The following GLRX3 variants were observed in gnomAD, a reference collection of about 807,000 sequenced individuals.
GLRX3 encodes glutaredoxin 3, also known as glutaredoxin-3.
GLRX3 carries 22 observed loss-of-function variants against 49.5 expected under a neutral mutation model. The observed-to-expected ratio is 0.44, with a 90% CI of 0.32 to 0.63. The LOEUF (loss-of-function observed/expected upper bound fraction) is 0.63, where lower values mean the gene tolerates loss of function less well. Among genes scored for constraint, GLRX3 ranks in the 30% least tolerant of loss-of-function variants. The probability of loss-of-function intolerance (pLI) is 0.05; values close to 1 mark genes in which losing one functional copy is unlikely to be tolerated. For missense variants in GLRX3, 385 were observed against 396.3 expected (o/e 0.97, Z 0.24); for synonymous variants, 133 against 140.0 (o/e 0.95, Z 0.35).
intron 4 of GLRX3, among the ~76,000 whole-genome samples, chr10:130,161,843 C>T (rs1406693935): frequency 6.6e-6 from 1 of 152,194 alleles, no homozygotes; most frequent in East Asian, 1.9e-4. Context: ...GATATGATTA[C>T]AGCATGTCCA....
chr10:130,143,235 T>G (rs1862207621), intron 1 of GLRX3, among the ~76,000 whole-genome samples: 1 of 152,190 alleles, frequency 6.6e-6, no homozygotes, highest in Non-Finnish European at 1.5e-5. Flanking sequence ...GACACTTTAT[T>G]GTAGGCTTAT....
rs549534723 is a variant in GLRX3 at position 130,136,459 on chromosome 10, G to A, written c.39G>A (p.Val13=). The A allele has an allele frequency of 3.2e-6, 4 of 1,264,604 alleles. No individual in the cohort carries two copies. The highest frequency in any genetic ancestry group is 4.0e-6 in the Non-Finnish European group (4 of 999,210). The allele number at this position is 1,264,604 out of a possible 1,614,324, so 78.3% of individuals were successfully genotyped here. ...AGAAEAAVAA[V]EEVGSAGQFE... ...CGGCTGAGGCAGCTGTAGCGGCCGT[G>A]GAGGAGGTCGGCTCAGCCGGGCAGT... Residue 13 remains valine (V), a synonymous_variant, in exon 1 of 11, where the codon GTG becomes GTA. Coordinates refer to ENST00000331244, the MANE Select transcript of GLRX3 (RefSeq NM_006541.5).
chr10:130,174,729 A>G (rs1264085782), intron 8 of GLRX3, 138 bp from the exon 9 acceptor site: 2 of 653,308 alleles, frequency 3.1e-6, no homozygotes, highest in Admixed American at 2.7e-5. Flanking sequence ...AAGAAGTAAA[A>G]TCATTTCCAT....
intron 1 of GLRX3, among the ~76,000 whole-genome samples, chr10:130,138,845 G>GTTT (rs1433839730): frequency 7.9e-5 from 9 of 114,572 alleles, no homozygotes; most frequent in African/African-American, 2.8e-4. Flanking sequence ...ATGAATAAAA[G>GTTT]TGTTTTTTTT....
chr10:130,140,395 A>G (rs533546337), intron 1 of GLRX3, among the ~76,000 whole-genome samples: 1 of 152,334 alleles, frequency 6.6e-6, no homozygotes, highest in South Asian at 2.1e-4. Flanking sequence ...GATAACGTTT[A>G]TATTTGTTTC....
At chr10:130,144,272 G>C (rs935663172) in intron 1 of GLRX3, among the ~76,000 whole-genome samples, 2 of 145,498 alleles carry the variant, frequency 1.4e-5, no homozygotes, top group African/African-American at 2.6e-5. Context: ...TGAAAATATG[G>C]TTGATTTGCC....
intron 7 of GLRX3, among the ~76,000 whole-genome samples, chr10:130,169,949 G>A (rs73391530): frequency 0.087 from 13,185 of 152,248 alleles, 924 homozygotes; most frequent in African/African-American, 0.19. Context: ...TGATGAATGA[G>A]TGAAATGGTC....
At chr10:130,169,149 A>C (rs1862753414) in intron 6 of GLRX3, among the ~76,000 whole-genome samples, 1 of 152,124 alleles carries the variant, frequency 6.6e-6, no homozygotes, top group Non-Finnish European at 1.5e-5. Flanking sequence ...ACAATTCCTT[A>C]CTGAATTGGT....
chr10:130,161,022 A>G, intron 4 of GLRX3, 25 bp downstream of exon 4: 1 of 1,531,516 alleles, frequency 6.5e-7, no homozygotes, highest in Non-Finnish European at 9.0e-7. Flanking sequence ...TTAACATAAT[A>G]TAAACAAAAT....
At chr10:130,162,605 G>A (rs1418845558) in intron 4 of GLRX3, among the ~76,000 whole-genome samples, 1 of 152,202 alleles carries the variant, frequency 6.6e-6, no homozygotes, top group East Asian at 1.9e-4. Flanking sequence ...GCTGTGAAAT[G>A]TGGGTGAAGC....
intron 4 of GLRX3, among the ~76,000 whole-genome samples, chr10:130,165,603 A>G (rs1430983810): frequency 6.6e-6 from 1 of 152,200 alleles, no homozygotes; most frequent in African/African-American, 2.4e-5. Context: ...ATATATAACA[A>G]CAGAGAAGAT....
downstream of GLRX3, chr10:130,180,372 C>T (rs975473485): frequency 3.3e-5 from 5 of 152,114 alleles, no homozygotes; most frequent in Admixed American, 1.3e-4. Context: ...TTGATTTGGT[C>T]GTTCAGGTTC....
At chr10:130,137,173 C>G (rs1231073330) in intron 1 of GLRX3, among the ~76,000 whole-genome samples, 1 of 152,184 alleles carries the variant, frequency 6.6e-6, no homozygotes, top group African/African-American at 2.4e-5. Flanking sequence ...ATTTCCTGTT[C>G]CATGAACTGG....
intron 2 of GLRX3, among the ~76,000 whole-genome samples, chr10:130,157,493 G>GCCCCCCCCCCCCCCCCCCCCC (rs1161867057): frequency 1.7e-4 from 1 of 5,974 alleles, no homozygotes; most frequent in African/African-American, 3.1e-4. Flanking sequence ...GGTGGCCGCC[G>GCCCCCCCCCCCCCCCCCCCCC]CCCCCCCCCC....
chr10:130,164,451 T>G (rs1306409712), intron 4 of GLRX3, among the ~76,000 whole-genome samples: 1 of 152,220 alleles, frequency 6.6e-6, no homozygotes, highest in Non-Finnish European at 1.5e-5. Context: ...GCTCTTACTT[T>G]TGAATCAGCC....
chr10:130,167,870 C>T (rs916089506), intron 6 of GLRX3, among the ~76,000 whole-genome samples: 2 of 152,204 alleles, frequency 1.3e-5, no homozygotes, highest in African/African-American at 2.4e-5. Flanking sequence ...CTGTGTTCTT[C>T]ATGAGAAAAT....
intron 10 of GLRX3, among the ~76,000 whole-genome samples, chr10:130,176,256 A>G (rs1330073673): frequency 6.6e-6 from 1 of 151,486 alleles, no homozygotes; most frequent in Non-Finnish European, 1.5e-5. Flanking sequence ...AGTAGCTGGG[A>G]TTACAGGCAC....
intron 2 of GLRX3, among the ~76,000 whole-genome samples, chr10:130,152,796 G>C (rs998835144): frequency 6.6e-6 from 1 of 152,044 alleles, no homozygotes; most frequent in Non-Finnish European, 1.5e-5. Flanking sequence ...CGCTCTTCTT[G>C]AGGAGTATAT....
intron 4 of GLRX3, among the ~76,000 whole-genome samples, chr10:130,165,228 CTG>C (rs1319136492): frequency 6.6e-6 from 1 of 152,074 alleles, no homozygotes; most frequent in Admixed American, 6.5e-5. Context: ...TGAATTACAA[CTG>C]TGTTTGAGAA....
Sources: allele counts gnomAD v4.1 joint callset (sites outside exome capture counted in the v4.1 genomes callset), GRCh38; gene constraint gnomAD v4.1.1; transcripts MANE v1.5; gene names NCBI Gene and HGNC (gene_info 2026-07-23, HGNC 2026-07-21).